Variants in P3H2 observed in about 807,000 individuals in gnomAD.
The protein encoded by P3H2 is prolyl 3-hydroxylase 2.
P3H2 carries 80 observed loss-of-function variants against 87.0 expected under a neutral mutation model. The ratio of observed to expected loss-of-function variants is 0.92; its 90% CI spans 0.77 to 1.11. The LOEUF (loss-of-function observed/expected upper bound fraction) is 1.11. Ranked by LOEUF, P3H2 falls within the 50% of genes least tolerant of loss-of-function variation. P3H2 has a pLI of 0.00. For missense variants in P3H2, 1,001 were observed against 923.9 expected (o/e 1.08, Z -1.08); for synonymous variants, 367 against 359.3 (o/e 1.02, Z -0.24).
At chr3:190,007,450 A>G (rs559092773) in intron 1 of P3H2, among the ~76,000 whole-genome samples, 1 of 152,146 alleles carries the variant, frequency 6.6e-6, no homozygotes, top group Non-Finnish European at 1.5e-5. Flanking sequence ...GTTTGATATA[A>G]TGAAAAGGCA....
At position 190,021,963 on chromosome 3, in the gene P3H2, C is replaced by A. The variant is rs1404471260; in HGVS notation, c.481-26521G>T. ...AAAAGCTGTCAGTGATACTTTATTGCCTATTCATTCAACAAATATGTAATG... is the reference window on the plus strand; with the variant it reads ...AAAAGCTGTCAGTGATACTTTATTGACTATTCATTCAACAAATATGTAATG... On this transcript the variant is annotated intron_variant, in intron 1 of 14. Transcript: ENST00000319332. 1.5e-5 allele frequency among the ~76,000 whole-genome samples: 2 copies of A among 134,672 alleles called. 1 individual carries two copies. The highest frequency in any genetic ancestry group is 3.3e-5 in the Non-Finnish European group (2 of 60,360). The allele number at this position is 134,672 out of a possible 152,430, so 88.4% of individuals were successfully genotyped here. A position where few individuals can be genotyped will look rare whatever the true frequency, so the allele number is the denominator to read the frequency against.
intron 1 of P3H2, among the ~76,000 whole-genome samples, chr3:190,091,987 C>T (rs1727422528): frequency 6.6e-6 from 1 of 152,182 alleles, no homozygotes; most frequent in Admixed American, 6.5e-5. Context: ...AATCCCAGCA[C>T]TTTGGGAGGC....
intron 1 of P3H2, among the ~76,000 whole-genome samples, chr3:190,119,599 G>A (rs900513273): frequency 1.3e-5 from 2 of 152,150 alleles, no homozygotes. Context: ...ACCAGAAAAC[G>A]TAAGCCCTCT....
intron 1 of P3H2, among the ~76,000 whole-genome samples, chr3:190,072,768 CTG>C (rs1201228070): frequency 5.3e-5 from 8 of 151,948 alleles, no homozygotes; most frequent in African/African-American, 1.5e-4. Flanking sequence ...ATTCAAACAA[CTG>C]TTTAAATTTA....
At chr3:190,086,529 C>T (rs530346865) in intron 1 of P3H2, among the ~76,000 whole-genome samples, 1 of 152,276 alleles carries the variant, frequency 6.6e-6, no homozygotes, top group Admixed American at 6.5e-5. Context: ...GAAGAAGCCT[C>T]AGAATTGATT....
chr3:190,059,303 G>T (rs571754326), intron 1 of P3H2, among the ~76,000 whole-genome samples: 2 of 152,244 alleles, frequency 1.3e-5, no homozygotes, highest in East Asian at 3.9e-4. Flanking sequence ...GACAGTAGGT[G>T]GGTCAGTATG....
chr3:190,085,042 T>A (rs370435472), intron 1 of P3H2, among the ~76,000 whole-genome samples: 4 of 152,120 alleles, frequency 2.6e-5, no homozygotes, highest in African/African-American at 7.2e-5. Context: ...TTACAGGGGA[T>A]GTGCTGCCTG....
intron 1 of P3H2, among the ~76,000 whole-genome samples, chr3:190,091,756 G>A (rs1727415573): frequency 6.6e-6 from 1 of 152,198 alleles, no homozygotes; most frequent in Admixed American, 6.5e-5. Context: ...TGTTGGAGAT[G>A]CCATATTTGT....
At chr3:190,055,196 T>C (rs991181952) in intron 1 of P3H2, among the ~76,000 whole-genome samples, 1 of 152,198 alleles carries the variant, frequency 6.6e-6, no homozygotes, top group Non-Finnish European at 1.5e-5. Context: ...TAGTGCATCT[T>C]ACAATCGGGA....
chr3:189,995,861 T>C (rs943393343), intron 1 of P3H2, among the ~76,000 whole-genome samples: 11 of 152,146 alleles, frequency 7.2e-5, no homozygotes, highest in African/African-American at 2.7e-4. Context: ...GAAAAAATGC[T>C]CCACATCACT....
At chr3:190,112,479 G>A (rs1164773126) in intron 1 of P3H2, among the ~76,000 whole-genome samples, 1 of 151,752 alleles carries the variant, frequency 6.6e-6, no homozygotes, top group Non-Finnish European at 1.5e-5. Context: ...AAGGCTCAAT[G>A]GCTTTTATTT....
intron 1 of P3H2, among the ~76,000 whole-genome samples, chr3:190,114,857 TATAC>T (rs1417282951): frequency 6.6e-6 from 1 of 152,228 alleles, no homozygotes; most frequent in African/African-American, 2.4e-5. Flanking sequence ...GCAGATAAAA[TATAC>T]ATATTCTACA....
chr3:189,974,029 G>A (rs1485465837), intron 9 of P3H2, 25 bp from the exon 10 acceptor site: 9 of 1,557,902 alleles, frequency 5.8e-6, no homozygotes, highest in Non-Finnish European at 7.1e-6. Flanking sequence ...AAGAAGATAC[G>A]TCATCAATGA....
intron 1 of P3H2, among the ~76,000 whole-genome samples, chr3:190,079,301 G>A (rs189882886): frequency 4.6e-5 from 7 of 151,464 alleles, no homozygotes; most frequent in East Asian, 3.9e-4. Flanking sequence ...AGATCACGCC[G>A]CTGCACCAGC....
chr3:190,009,494 T>C (rs1724523289), intron 1 of P3H2, among the ~76,000 whole-genome samples: 1 of 152,190 alleles, frequency 6.6e-6, no homozygotes, highest in Admixed American at 6.6e-5. Flanking sequence ...TGTTATGGAA[T>C]CAACCTGCAT....
At chr3:189,966,729 A>C (rs759183596) in intron 13 of P3H2, among the ~76,000 whole-genome samples, 3 of 152,252 alleles carry the variant, frequency 2.0e-5, no homozygotes, top group Non-Finnish European at 4.4e-5. Context: ...TTGAACCTGC[A>C]CAGAGAAACC....
At chr3:190,104,587 G>T (rs892494674) in intron 1 of P3H2, among the ~76,000 whole-genome samples, 6 of 152,168 alleles carry the variant, frequency 3.9e-5, no homozygotes, top group African/African-American at 1.4e-4. Context: ...AGTACATACA[G>T]GAAGCAAATC....
At chr3:189,974,281 G>A in intron 9 of P3H2, 1 of 591,612 alleles carries the variant, frequency 1.7e-6, no homozygotes, top group African/African-American at 1.9e-5. Flanking sequence ...AAAATAAAAG[G>A]ATTTCTCCAG....
chr3:190,043,715 G>GATATCAATCAAGTGTTTAT (rs1444665554), intron 1 of P3H2, among the ~76,000 whole-genome samples: 2 of 152,246 alleles, frequency 1.3e-5, no homozygotes, highest in African/African-American at 4.8e-5. Context: ...TACTGTTGTT[G>GATATCAATCAAGTGTTTAT]ATATCAATCA....
Sources: allele counts gnomAD v4.1 joint callset (sites outside exome capture counted in the v4.1 genomes callset), GRCh38; gene constraint gnomAD v4.1.1; transcripts MANE v1.5; gene names NCBI Gene and HGNC (gene_info 2026-07-23, HGNC 2026-07-21).